The following EBF3 variants were observed in gnomAD, a reference collection of about 807,000 sequenced individuals.
The protein encoded by EBF3 is transcription factor COE3.
In EBF3, 18 loss-of-function variants were observed where a neutral mutation model predicts 77.1. The observed-to-expected ratio is 0.23, with a 90% CI of 0.16 to 0.35. The LOEUF (loss-of-function observed/expected upper bound fraction) is 0.35. Ranked by LOEUF, EBF3 falls within the 10% of genes least tolerant of loss-of-function variation. The probability of loss-of-function intolerance (pLI) is 1.00; values close to 1 mark genes in which losing one functional copy is unlikely to be tolerated. For synonymous variants in EBF3, 350 were observed against 343.5 expected, an observed-to-expected ratio of 1.02 and a Z score of -0.21; for missense variants, 558 against 860.0, an observed-to-expected ratio of 0.65 and a Z score of 4.39.
At chr10:129,932,002 C>T (rs993660096) in intron 6 of EBF3, among the ~76,000 whole-genome samples, 2 of 152,186 alleles carry the variant, frequency 1.3e-5, no homozygotes, top group Non-Finnish European at 2.9e-5. Context: ...TATGTCCAGC[C>T]ACCCTGGAGA....
intron 6 of EBF3, among the ~76,000 whole-genome samples, chr10:129,954,367 C>T (rs1228239454): frequency 6.6e-6 from 1 of 152,188 alleles, no homozygotes; most frequent in African/African-American, 2.4e-5. Context: ...TAAGTGAAAC[C>T]TTTGCAGTGC....
intron 6 of EBF3, among the ~76,000 whole-genome samples, chr10:129,913,502 T>C (rs1004573088): frequency 3.9e-5 from 6 of 152,264 alleles, no homozygotes; most frequent in Non-Finnish European, 8.8e-5. Flanking sequence ...CTGAGCAGTA[T>C]GATGAATGGC....
At chr10:129,924,751 C>A (rs943690349) in intron 6 of EBF3, among the ~76,000 whole-genome samples, 2 of 152,110 alleles carry the variant, frequency 1.3e-5, no homozygotes, top group African/African-American at 4.8e-5. Flanking sequence ...ACTGTAGCCT[C>A]GACTGCCTGG....
intron 7 of EBF3, 79 bp downstream of exon 7, chr10:129,877,689 G>A (rs1852887863): frequency 7.9e-7 from 1 of 1,261,178 alleles, no homozygotes; most frequent in African/African-American, 1.5e-5. Flanking sequence ...ATTACTTCCT[G>A]AACAGTTGCA....
intron 10 of EBF3, among the ~76,000 whole-genome samples, chr10:129,862,328 G>C (rs572801870): frequency 1.3e-5 from 2 of 152,186 alleles, no homozygotes; most frequent in Non-Finnish European, 2.9e-5. Flanking sequence ...GGCTGGGAGC[G>C]GTCCAGGTAT....
chr10:129,928,140 G>A (rs751517119), intron 6 of EBF3, among the ~76,000 whole-genome samples: 5 of 152,154 alleles, frequency 3.3e-5, no homozygotes, highest in African/African-American at 9.7e-5. Flanking sequence ...AGCCTCATGC[G>A]AAAACGACTC....
At chr10:129,930,067 C>T (rs186224277) in intron 6 of EBF3, among the ~76,000 whole-genome samples, 67 of 152,276 alleles carry the variant, frequency 4.4e-4, no homozygotes, top group African/African-American at 1.5e-3. Context: ...ACTCTTCCTC[C>T]CCTGTCCCTG....
At chr10:129,900,588 C>T (rs1441093010) in intron 6 of EBF3, among the ~76,000 whole-genome samples, 1 of 152,218 alleles carries the variant, frequency 6.6e-6, no homozygotes, top group Non-Finnish European at 1.5e-5. Flanking sequence ...GGACTCACTG[C>T]CTGATGCCAA....
At chr10:129,903,757 T>C (rs1854948933) in intron 6 of EBF3, among the ~76,000 whole-genome samples, 1 of 152,176 alleles carries the variant, frequency 6.6e-6, no homozygotes, top group Non-Finnish European at 1.5e-5. Flanking sequence ...CTTGCTGTCA[T>C]GGGGAGTCCA....
At chr10:129,945,053 TGGGCG>T (rs1858070403) in intron 6 of EBF3, among the ~76,000 whole-genome samples, 3 of 79,126 alleles carry the variant, frequency 3.8e-5, no homozygotes, top group East Asian at 4.4e-4. Context: ...AAAGGGAAGA[TGGGCG>T]GGGAGGGGAG....
At chr10:129,838,528 C>T (rs1849770569) in intron 16 of EBF3, among the ~76,000 whole-genome samples, 1 of 152,196 alleles carries the variant, frequency 6.6e-6, no homozygotes, top group Admixed American at 6.5e-5. Context: ...CACTCACAGC[C>T]CACCTGCCCT....
At chr10:129,901,818 C>A (rs951008705) in intron 6 of EBF3, among the ~76,000 whole-genome samples, 1 of 152,156 alleles carries the variant, frequency 6.6e-6, no homozygotes, top group East Asian at 1.9e-4. Context: ...GGCCTCGTGG[C>A]GAGGGCTGCA....
chr10:129,949,916 T>C (rs1422270072), intron 6 of EBF3, among the ~76,000 whole-genome samples: 1 of 151,882 alleles, frequency 6.6e-6, no homozygotes, highest in Non-Finnish European at 1.5e-5. Flanking sequence ...GCCAAAGTTT[T>C]GTCTCCTTCT....
chr10:129,916,293 G>A (rs1189078370), intron 6 of EBF3, among the ~76,000 whole-genome samples: 1 of 152,218 alleles, frequency 6.6e-6, no homozygotes, highest in Non-Finnish European at 1.5e-5. Flanking sequence ...CCCTGGACAA[G>A]CCACGGTTCC....
rs1162397157 is a variant in EBF3, at chr10:129,879,644, T to G, written c.555-1795A>C. Among the ~76,000 whole-genome samples, 1 of 152,172 alleles carries G rather than the reference T, an allele frequency of 6.6e-6. No individual in the cohort carries two copies. Among genetic ancestry groups the G allele is most frequent in the Non-Finnish European group, 1.5e-5 (1 of 68,026 alleles). ...TTATTAACTCACCTCACCTATACAC[T>G]TAGCTCACAATGCCTCTTCACACCA... On this transcript the variant is annotated intron_variant, in intron 6 of 16. Transcript: ENST00000440978. This position sits in a 1 kb window ranked among gnomAD's most constrained non-coding sequence, Gnocchi z 4.7.
chr10:129,867,336 G>C (rs1415018161), intron 9 of EBF3, 69 bp from the exon 10 acceptor site: 7 of 1,592,740 alleles, frequency 4.4e-6, no homozygotes, highest in Non-Finnish European at 6.0e-6. Flanking sequence ...TTGCCAGTTG[G>C]ATATAATTAC....
intron 10 of EBF3, among the ~76,000 whole-genome samples, chr10:129,854,679 A>G (rs1015078799): frequency 4.6e-5 from 7 of 152,234 alleles, no homozygotes; most frequent in Non-Finnish European, 8.8e-5. Flanking sequence ...CCAGATCAAT[A>G]GTGGCTAAAT....
intron 10 of EBF3, among the ~76,000 whole-genome samples, chr10:129,855,318 C>T (rs928093472): frequency 6.6e-6 from 1 of 152,194 alleles, no homozygotes; most frequent in Non-Finnish European, 1.5e-5. Flanking sequence ...GATGTGACAC[C>T]AGGCACAGAA....
chr10:129,959,431 C>G (rs757351028), intron 4 of EBF3, among the ~76,000 whole-genome samples: 4 of 152,090 alleles, frequency 2.6e-5, no homozygotes, highest in Admixed American at 6.5e-5. Flanking sequence ...TTGTCTACAA[C>G]GAGTTCCAAT....
Sources: gnomAD v4.1 joint callset for allele counts (sites outside exome capture counted in the v4.1 genomes callset) on GRCh38, gnomAD v4.1.1 for gene constraint, Gnocchi (gnomAD v3.1) non-coding constraint, MANE v1.5 for transcripts, NCBI Gene and HGNC (gene_info 2026-07-23, HGNC 2026-07-21) for gene names.